The following AK9 variants were observed in gnomAD, a reference collection of about 807,000 sequenced individuals.
The protein encoded by AK9 is adenylate kinase 9.
A neutral mutation model predicts 239.6 loss-of-function variants in AK9; 191 were observed. That is an observed-to-expected ratio of 0.80 (90% confidence interval 0.71 to 0.90). The LOEUF (loss-of-function observed/expected upper bound fraction) is 0.90, where lower values mean the gene tolerates loss of function less well. Among genes scored for constraint, AK9 ranks in the 40% least tolerant of loss-of-function variants. AK9 has a pLI of 0.00. For synonymous variants in AK9, 689 were observed against 721.0 expected, an observed-to-expected ratio of 0.96 and a Z score of 0.71; for missense variants, 1,995 against 2,214.7, an observed-to-expected ratio of 0.90 and a Z score of 1.99.
At chr6:109,561,421 T>C (rs1216916482) in intron 24 of AK9, among the ~76,000 whole-genome samples, 13 of 152,118 alleles carry the variant, frequency 8.5e-5, no homozygotes, top group Admixed American at 7.9e-4. Context: ...GCTCGGGCGA[T>C]CCTCCCACCT....
At chr6:109,617,248 T>G (rs1794287388) in intron 13 of AK9, among the ~76,000 whole-genome samples, 1 of 152,166 alleles carries the variant, frequency 6.6e-6, no homozygotes, top group Admixed American at 6.6e-5. Flanking sequence ...TCCTCCCATT[T>G]GGATTTGTTG....
Position 109,633,346 on chromosome 6 carries a change from TA to T in AK9, c.934-24del, listed in dbSNP as rs767625323. On this transcript the variant is annotated intron_variant, in intron 10 of 40. Coordinates refer to ENST00000424296, the MANE Select transcript of AK9 (RefSeq NM_001145128.3). ...ATCCTGTGAATTGCAAATACTACAT[TA>T]AAAATATGGGCATAAATTTTGCTGA... 14 of 1,581,176 alleles carry T rather than the reference TA, an allele frequency of 8.9e-6. No homozygotes were observed. The South Asian group carries it at 1.1e-4, about 12-fold the overall frequency.
intron 19 of AK9, 81 bp from the exon 20 acceptor site, chr6:109,579,707 T>G (rs931382497): frequency 8.4e-7 from 1 of 1,191,228 alleles, no homozygotes; most frequent in African/African-American, 1.6e-5. Flanking sequence ...GCTTATAGTG[T>G]TAAAAATAAA....
rs765938836 is a variant in AK9, at chr6:109,499,125, A to C, written c.4965T>G (p.Asp1655Glu). ...VSLAESQELF[D>E]CSATDSLEFA... ...ATTCCAAGGAGTCAGTTGCAGAGCA[A>C]TCAAATAATTCCTGGGATTCTGCCA... is the stretch of plus-strand genomic sequence containing the variant. The change falls in exon 36 of 41, where the codon GAT becomes GAG. Residue 1655 changes from aspartate to glutamate, a missense_variant. Transcript: ENST00000424296. 1.9e-6 allele frequency: 3 copies of C among 1,610,454 alleles called. No homozygotes were observed. The highest frequency in any genetic ancestry group is 2.5e-6 in the Non-Finnish European group (3 of 1,178,248).
intron 17 of AK9, among the ~76,000 whole-genome samples, chr6:109,590,918 T>C (rs1790144154): frequency 6.6e-6 from 1 of 152,194 alleles, no homozygotes; most frequent in Non-Finnish European, 1.5e-5. Flanking sequence ...AAAATTTTTT[T>C]GAGACTTGCC....
chr6:109,557,790 T>C (rs1046881555), intron 24 of AK9, among the ~76,000 whole-genome samples: 5 of 152,242 alleles, frequency 3.3e-5, no homozygotes, highest in South Asian at 2.1e-4. Flanking sequence ...GGTAGGTGTA[T>C]ATTTATCTGT....
At chr6:109,581,105 G>A (rs1472124623) in intron 19 of AK9, among the ~76,000 whole-genome samples, 4 of 152,022 alleles carry the variant, frequency 2.6e-5, no homozygotes, top group East Asian at 3.9e-4. Context: ...GATAGATGCT[G>A]TGGGTGTTGT....
chr6:109,679,879 GA>G (rs1274977436), intron 1 of AK9, among the ~76,000 whole-genome samples: 1 of 152,140 alleles, frequency 6.6e-6, no homozygotes, highest in Admixed American at 6.5e-5. Context: ...CTGTTAGAAG[GA>G]AAACTAACAG....
At chr6:109,541,631 A>G (rs1302066065) in intron 27 of AK9, among the ~76,000 whole-genome samples, 4 of 152,190 alleles carry the variant, frequency 2.6e-5, no homozygotes, top group African/African-American at 9.7e-5. Context: ...GCTGGTCTCG[A>G]ACTCCCAACC....
At chr6:109,548,581 C>T (rs1047739378) in intron 25 of AK9, among the ~76,000 whole-genome samples, 1 of 152,132 alleles carries the variant, frequency 6.6e-6, no homozygotes, top group South Asian at 2.1e-4. Context: ...AAAAATTTGT[C>T]TTGTTTGTGG....
chr6:109,564,988 G>T (rs1786277998), intron 21 of AK9, 143 bp from the exon 22 acceptor site: 3 of 543,230 alleles, frequency 5.5e-6, no homozygotes, highest in South Asian at 8.3e-5. Context: ...GTTAGGGAAA[G>T]AACGGCATAA....
At chr6:109,639,540 G>T (rs1267114307) in intron 10 of AK9, among the ~76,000 whole-genome samples, 8 of 152,108 alleles carry the variant, frequency 5.3e-5, no homozygotes, top group African/African-American at 1.9e-4. Flanking sequence ...TGTAGATTCT[G>T]GATATTAGCC....
rs749826720 is a variant in AK9, at chr6:109,675,746, G to A, written c.-1C>T. The A allele has an allele frequency of 1.3e-6, 2 of 1,536,396 alleles. No homozygotes were observed. The highest frequency in any genetic ancestry group is 1.8e-6 in the Non-Finnish European group (2 of 1,127,842). ...CTTCTGTCTTCTCTTGAGAAGTCAT[G>A]ACACAAAATACTACAATAAAAAAGG... On this transcript the variant is annotated 5_prime_UTR_variant, in exon 2 of 41. Transcript: ENST00000424296.
In AK9 at chr6:109,515,966, C is replaced by T. The variant is rs369214077; in HGVS notation, c.3956G>A (p.Arg1319His). The T allele has an allele frequency of 3.2e-4, 498 of 1,551,390 alleles. 3 individuals are homozygous for T. Among genetic ancestry groups the T allele is most frequent in the Non-Finnish European group, 3.0e-4 (344 of 1,146,834 alleles). The change falls in exon 31 of 41, where the codon CGT becomes CAT. Residue 1319 changes from arginine to histidine, a missense_variant. Physicochemically the swap from Arg to His is conservative, Grantham distance 29. This residue lies in a region of AK9 where 1,290 missense variants were observed against 1,392.7 expected (regional missense o/e 0.93). Coordinates refer to ENST00000424296, the MANE Select transcript of AK9 (RefSeq NM_001145128.3). ...ATGACATTTCTCAAAAATGCTTGCA[C>T]GATTTTCCACCAGTGGTTTCAGTTT... ...NMKLKPLVEN[R>H]ASIFEKCHPI...
chr6:109,623,823 CTT>C (rs1321014524), intron 12 of AK9, among the ~76,000 whole-genome samples: 1 of 148,434 alleles, frequency 6.7e-6, no homozygotes, highest in Admixed American at 6.8e-5. Flanking sequence ...CTGGATAAAA[CTT>C]TTTCTTCCCC....
chr6:109,610,268 C>T lies in AK9; in HGVS notation c.1842+97G>A. ...TGAATTTGAAGGCTACAAATTTCAA[C>T]ATCATAAGACTCTAAAATAATTACA... On this transcript the variant is annotated intron_variant, in intron 17 of 40. Coordinates refer to ENST00000424296, the MANE Select transcript of AK9 (RefSeq NM_001145128.3). 3.6e-6 allele frequency: 5 copies of T among 1,395,924 alleles called. No individual in the cohort carries two copies. In the East Asian group the frequency reaches 1.0e-4, roughly 28 times the overall value. 86.5% of individuals were successfully genotyped at this position (1,395,924 alleles called of 1,614,324 possible). A position where few individuals can be genotyped will look rare whatever the true frequency, so the allele number is the denominator to read the frequency against.
At chr6:109,683,008 T>C (rs563440253) in intron 1 of AK9, among the ~76,000 whole-genome samples, 1 of 152,342 alleles carries the variant, frequency 6.6e-6, no homozygotes, top group African/African-American at 2.4e-5. Context: ...AATAAAATGC[T>C]GGCAAACTGA....
intron 5 of AK9, among the ~76,000 whole-genome samples, chr6:109,664,243 T>C (rs978072142): frequency 2.0e-5 from 3 of 152,126 alleles, no homozygotes; most frequent in African/African-American, 7.2e-5. Context: ...CAATTCTTAT[T>C]AGTGTAAGAG....
At chr6:109,523,458 T>C (rs1168231231) in intron 29 of AK9, among the ~76,000 whole-genome samples, 1 of 152,208 alleles carries the variant, frequency 6.6e-6, no homozygotes, top group African/African-American at 2.4e-5. Flanking sequence ...AATAATAAAC[T>C]GTAAACAACA....
Sources: allele counts gnomAD v4.1 joint callset (sites outside exome capture counted in the v4.1 genomes callset), GRCh38; gene constraint gnomAD v4.1.1; regional missense constraint gnomAD v4.1.1; transcripts MANE v1.5; gene names NCBI Gene and HGNC (gene_info 2026-07-23, HGNC 2026-07-21).